Variants in SKAP1 observed in about 807,000 individuals in gnomAD.
The protein encoded by SKAP1 is src kinase associated phosphoprotein 1.
In SKAP1, 44 loss-of-function variants were observed where a neutral mutation model predicts 58.5. That is an observed-to-expected ratio of 0.75 (90% CI 0.59 to 0.97). The LOEUF (loss-of-function observed/expected upper bound fraction) is 0.97. Among genes scored for constraint, SKAP1 ranks in the 50% least tolerant of loss-of-function variants. The pLI is 0.00. For synonymous variants in SKAP1, 127 were observed against 149.7 expected (o/e 0.85, Z 1.11); for missense variants, 390 against 435.2 (o/e 0.90, Z 0.92).
rs1262595304 is a variant in SKAP1, at chr17:48,430,112, G to C, written c.9C>G (p.Ala3=). 29 of 1,262,236 alleles carry C rather than the reference G, an allele frequency of 2.3e-5. No individual in the cohort carries two copies. Among genetic ancestry groups the C allele is most frequent in the Non-Finnish European group, 2.7e-5 (27 of 995,916 alleles). The allele number at this position is 1,262,236 out of a possible 1,614,324, so 78.2% of individuals were successfully genotyped here. A position where few individuals can be genotyped will look rare whatever the true frequency, so the allele number is the denominator to read the frequency against. MQ[A]AALPEEIRWL... is the part of the protein sequence containing the mutation. ...AACGGATCTCCTCAGGGAGGGCGGCGGCCTGCATTTGGCTGGGCGGGAGAG... is the reference window on the plus strand; with the variant it reads ...AACGGATCTCCTCAGGGAGGGCGGCCGCCTGCATTTGGCTGGGCGGGAGAG... Residue 3 remains alanine (A), a synonymous_variant, in exon 1 of 13, where the codon GCC becomes GCG. Transcript: ENST00000336915.
chr17:48,147,619 A>G (rs887357948), intron 11 of SKAP1, among the ~76,000 whole-genome samples: 8 of 152,132 alleles, frequency 5.3e-5, no homozygotes, highest in African/African-American at 9.7e-5. Flanking sequence ...CCAGAAGGAG[A>G]AAGGAAATGG....
At chr17:48,314,550 A>C (rs1451612122) in intron 4 of SKAP1, among the ~76,000 whole-genome samples, 2 of 152,204 alleles carry the variant, frequency 1.3e-5, no homozygotes, top group African/African-American at 4.8e-5. Context: ...TAGGTGGCTA[A>C]ACTCTTTAAG....
In SKAP1 at chr17:48,298,523, A is replaced by C. The variant is rs576293792; in HGVS notation, c.280+47382T>G. Among the ~76,000 whole-genome samples, 87 of 152,358 alleles carry C rather than the reference A, an allele frequency of 5.7e-4. 1 individual carries two copies. Among genetic ancestry groups the C allele is most frequent in the South Asian group, 8.3e-4 (4 of 4,830 alleles). On this transcript the variant is annotated intron_variant, in intron 4 of 12. Transcript: ENST00000336915. ...AAAAGACAAAAATTAAAAACTCTTAACTGTTTTAGACTTTATTTTATATTT... is the reference window on the plus strand; with the variant it reads ...AAAAGACAAAAATTAAAAACTCTTACCTGTTTTAGACTTTATTTTATATTT...
At chr17:48,246,641 C>A (rs1044666395) in intron 4 of SKAP1, among the ~76,000 whole-genome samples, 5 of 152,176 alleles carry the variant, frequency 3.3e-5, no homozygotes, top group African/African-American at 7.2e-5. Flanking sequence ...AAGTGATCTG[C>A]CCAAAGACAT....
At chr17:48,435,446 G>A in the SKAP1 span, among the ~76,000 whole-genome samples, 2 of 152,164 alleles carry the variant, frequency 1.3e-5, no homozygotes, top group Non-Finnish European at 2.9e-5. Flanking sequence ...GTGAGATGTG[G>A]AAACAGTCTG....
intron 4 of SKAP1, 140 bp downstream of exon 4, chr17:48,345,765 T>C: frequency 1.6e-6 from 1 of 619,444 alleles, no homozygotes; most frequent in South Asian, 1.9e-5. Flanking sequence ...AACAAATAGT[T>C]GTTCTTTGCA....
intron 4 of SKAP1, among the ~76,000 whole-genome samples, chr17:48,322,324 TG>T (rs1485060454): frequency 6.6e-6 from 1 of 152,262 alleles, no homozygotes; most frequent in Non-Finnish European, 1.5e-5. Flanking sequence ...AAATGTTTGC[TG>T]AATTGTATTC....
intron 4 of SKAP1, chr17:48,307,785 C>G (rs1243416485): frequency 6.6e-6 from 1 of 152,154 alleles, no homozygotes; most frequent in Non-Finnish European, 1.5e-5. Context: ...TCTCAGTTCT[C>G]AATCTACTCT....
In SKAP1 at chr17:48,229,806, T is replaced by A. The variant is rs2065108304; in HGVS notation, c.281-40306A>T. Among the ~76,000 whole-genome samples, 4 of 152,232 alleles carry A rather than the reference T, an allele frequency of 2.6e-5. No individual in the cohort carries two copies. The South Asian group carries it at 6.2e-4, about 24-fold the overall frequency. ...CAAGAAGACATTTTAACCTAAACAGTGTTCTTCAGATTAATGAAATCTAAT... is the reference window on the plus strand; with the variant it reads ...CAAGAAGACATTTTAACCTAAACAGAGTTCTTCAGATTAATGAAATCTAAT... On this transcript the variant is annotated intron_variant, in intron 4 of 12. Coordinates refer to ENST00000336915, the MANE Select transcript of SKAP1 (RefSeq NM_003726.4).
chr17:48,142,913 C>T (rs577151162), intron 11 of SKAP1, among the ~76,000 whole-genome samples: 7 of 151,918 alleles, frequency 4.6e-5, no homozygotes, highest in Non-Finnish European at 8.8e-5. Flanking sequence ...GTGATCCTCC[C>T]GCTTCAGCCT....
At chr17:48,160,882 G>A (rs1426729976) in intron 11 of SKAP1, among the ~76,000 whole-genome samples, 3 of 152,106 alleles carry the variant, frequency 2.0e-5, no homozygotes, top group African/African-American at 7.2e-5. Context: ...CCTTGCTTTC[G>A]GGCATTTGAA....
chr17:48,162,091 A>G (rs1162525129), intron 11 of SKAP1, among the ~76,000 whole-genome samples: 1 of 151,954 alleles, frequency 6.6e-6, no homozygotes, highest in Admixed American at 6.6e-5. Context: ...TCAGCCTCCC[A>G]AGTAGCTGGG....
chr17:48,405,865 G>A (rs1183332014), intron 1 of SKAP1, among the ~76,000 whole-genome samples: 1 of 152,064 alleles, frequency 6.6e-6, no homozygotes, highest in Admixed American at 6.6e-5. Context: ...AATAGCCACA[G>A]ACAGAGAATG....
chr17:48,253,144 G>T (rs1436785624), intron 4 of SKAP1, among the ~76,000 whole-genome samples: 1 of 152,126 alleles, frequency 6.6e-6, no homozygotes, highest in Non-Finnish European at 1.5e-5. Flanking sequence ...CTAAAGGGGG[G>T]CTGTCAATCT....
chr17:48,211,914 T>G (rs889699072), intron 4 of SKAP1, among the ~76,000 whole-genome samples: 1 of 151,664 alleles, frequency 6.6e-6, no homozygotes, highest in African/African-American at 2.4e-5. Flanking sequence ...TCTACCTGCT[T>G]AAGGACACTT....
chr17:48,320,408 A>G (rs2066346168), intron 4 of SKAP1, among the ~76,000 whole-genome samples: 1 of 152,234 alleles, frequency 6.6e-6, no homozygotes, highest in Non-Finnish European at 1.5e-5. Flanking sequence ...ATAAGTTGCT[A>G]TAAAAACCTA....
chr17:48,240,682 T>C (rs1464703455), intron 4 of SKAP1, among the ~76,000 whole-genome samples: 1 of 152,188 alleles, frequency 6.6e-6, no homozygotes, highest in African/African-American at 2.4e-5. Flanking sequence ...AATGGTTTAT[T>C]GTGCAGTGTT....
chr17:48,225,656 C>T (rs979530773), intron 4 of SKAP1, among the ~76,000 whole-genome samples: 2 of 152,168 alleles, frequency 1.3e-5, no homozygotes, highest in Admixed American at 1.3e-4. Context: ...TTTCTGGCTG[C>T]AAGAGTGACT....
intron 4 of SKAP1, among the ~76,000 whole-genome samples, chr17:48,202,524 C>T (rs2143619690): frequency 6.6e-6 from 1 of 152,182 alleles, no homozygotes; most frequent in Admixed American, 6.5e-5. Context: ...AAAAATCACC[C>T]TCCCTTAAAA....
Sources: gnomAD v4.1 joint callset for allele counts (sites outside exome capture counted in the v4.1 genomes callset) on GRCh38, gnomAD v4.1.1 for gene constraint, MANE v1.5 for transcripts, NCBI Gene and HGNC (gene_info 2026-07-23, HGNC 2026-07-21) for gene names.